The following SEMA6D variants were observed in gnomAD, a reference collection of about 807,000 sequenced individuals.
SEMA6D encodes semaphorin-6D.
In SEMA6D, 35 loss-of-function variants were observed where a neutral mutation model predicts 106.6. The ratio of observed to expected loss-of-function variants is 0.33; its 90% CI spans 0.25 to 0.44. The LOEUF is 0.44. Ranked by LOEUF, SEMA6D falls within the 20% of genes least tolerant of loss-of-function variation. The pLI is 1.00. For synonymous variants in SEMA6D, 499 were observed against 487.7 expected (o/e 1.02, Z -0.31); for missense variants, 1,185 against 1,345.9 (o/e 0.88, Z 1.87).
chr15:47,452,551 C>A (rs1259153216), intron 2 of SEMA6D, among the ~76,000 whole-genome samples: 1 of 151,652 alleles, frequency 6.6e-6, no homozygotes, highest in African/African-American at 2.4e-5. Context: ...ATAATAAAAC[C>A]TTTCTTTTAT....
chr15:47,704,005 A>C (rs1352260331), intron 4 of SEMA6D, among the ~76,000 whole-genome samples: 2 of 152,214 alleles, frequency 1.3e-5, no homozygotes, highest in Non-Finnish European at 2.9e-5. Flanking sequence ...TGATATTTTG[A>C]TATATAGCTT....
At chr15:47,606,983 C>G (rs891136624) in intron 4 of SEMA6D, among the ~76,000 whole-genome samples, 1 of 152,096 alleles carries the variant, frequency 6.6e-6, no homozygotes, top group Non-Finnish European at 1.5e-5. Flanking sequence ...CCTCCAATTT[C>G]CCATCCTTAA....
intron 3 of SEMA6D, among the ~76,000 whole-genome samples, chr15:47,554,705 C>T (rs1407599775): frequency 2.0e-5 from 3 of 152,130 alleles, no homozygotes; most frequent in African/African-American, 7.2e-5. Flanking sequence ...GCACACAGAC[C>T]CTTTAGTTCT....
At position 47,737,386 on chromosome 15, in the gene SEMA6D, G is replaced by A. The variant is rs149687561; in HGVS notation, c.-55+19694G>A. ...AGGTAACTTAATGTTTTTTAGTGAA[G>A]CATCTTCCCATCCTCCCTTTTTTAA... On this transcript the variant is annotated intron_variant, in intron 1 of 18. Transcript: ENST00000536845. 5.9e-3 allele frequency among the ~76,000 whole-genome samples: 900 copies of A among 152,198 alleles called. 6 individuals are homozygous for A. The highest frequency in any genetic ancestry group is 0.02 in the Admixed American group (313 of 15,296).
chr15:47,410,461 C>T (rs1241600176), intron 1 of SEMA6D, among the ~76,000 whole-genome samples: 1 of 152,178 alleles, frequency 6.6e-6, no homozygotes, highest in Non-Finnish European at 1.5e-5. Flanking sequence ...GCCAGTTCCC[C>T]TTTTAAATGT....
intron 1 of SEMA6D, among the ~76,000 whole-genome samples, chr15:47,331,824 G>GAAAA (rs1480097808): frequency 2.0e-5 from 3 of 152,158 alleles, no homozygotes; most frequent in African/African-American, 7.2e-5. Flanking sequence ...TATGAGAAGA[G>GAAAA]ACAGCATAGA....
intron 1 of SEMA6D, among the ~76,000 whole-genome samples, chr15:47,756,451 C>A (rs539210649): frequency 2.0e-5 from 3 of 152,140 alleles, no homozygotes; most frequent in South Asian, 2.1e-4. Flanking sequence ...ATGCCTCATA[C>A]TGATTATCTC....
At chr15:47,738,539 A>C (rs1461801765) in intron 1 of SEMA6D, among the ~76,000 whole-genome samples, 3 of 152,156 alleles carry the variant, frequency 2.0e-5, no homozygotes, top group Non-Finnish European at 4.4e-5. Context: ...TCTGAAGACT[A>C]TTACTAGGGA....
intron 2 of SEMA6D, among the ~76,000 whole-genome samples, chr15:47,426,348 T>C (rs1754500271): frequency 6.6e-6 from 1 of 152,090 alleles, no homozygotes; most frequent in South Asian, 2.1e-4. Flanking sequence ...TTTGATATTG[T>C]TGTCTAATGG....
chr15:47,770,761 A>T lies in SEMA6D; in HGVS notation c.2198A>T (p.Asp733Val). 3.7e-6 allele frequency: 6 copies of T among 1,614,068 alleles called. No individual in the cohort carries two copies. In the South Asian group the frequency reaches 6.6e-5, roughly 18 times the overall value. The change falls in exon 19 of 19, where the codon GAT (aspartate) becomes GTT (valine). Residue 733 changes from aspartate (D) to valine (V), a missense_variant. Physicochemically the swap from Asp to Val is radical, Grantham distance 152 (BLOSUM62 -3). Coordinates refer to ENST00000536845, the MANE Select transcript of SEMA6D (RefSeq NM_001358351.3). ...GTCAAGGAATACCAACAGAATATTG[A>T]TTCTCCTAAACTGTATAGTAACCTG... ...SPVKEYQQNI[D>V]SPKLYSNLLT...
At chr15:47,761,477 CCTTCA>C in intron 6 of SEMA6D, 46 bp downstream of exon 6, 1 of 1,468,640 alleles carries the variant, frequency 6.8e-7, no homozygotes, top group Non-Finnish European at 9.4e-7. Flanking sequence ...AACTTTTCTC[CCTTCA>C]CTGATATGCT....
At chr15:47,437,757 T>C (rs1171423187) in intron 2 of SEMA6D, among the ~76,000 whole-genome samples, 1 of 152,150 alleles carries the variant, frequency 6.6e-6, no homozygotes, top group African/African-American at 2.4e-5. Context: ...TAATTTGCTA[T>C]AATTACAAAT....
At chr15:47,566,014 T>G (rs2046220517) in intron 3 of SEMA6D, among the ~76,000 whole-genome samples, 1 of 152,228 alleles carries the variant, frequency 6.6e-6, no homozygotes, top group South Asian at 2.1e-4. Context: ...AAAGAAGCAC[T>G]TATTATACAG....
intron 1 of SEMA6D, among the ~76,000 whole-genome samples, chr15:47,335,717 A>G (rs2037526024): frequency 6.6e-6 from 1 of 152,136 alleles, no homozygotes; most frequent in Non-Finnish European, 1.5e-5. Flanking sequence ...CACTGATACT[A>G]AGGACAGTAA....
chr15:47,332,195 C>T (rs1000227756), intron 1 of SEMA6D, among the ~76,000 whole-genome samples: 1 of 152,166 alleles, frequency 6.6e-6, no homozygotes, highest in African/African-American at 2.4e-5. Flanking sequence ...CTACAGCATG[C>T]GGCAGTGCCA....
intron 1 of SEMA6D, among the ~76,000 whole-genome samples, chr15:47,243,502 C>T (rs879741728): frequency 1.1e-4 from 17 of 151,220 alleles, no homozygotes; most frequent in Admixed American, 7.9e-4. Context: ...TGAATAGTTA[C>T]GTGGTAGGAA....
chr15:47,238,829 C>A (rs541008991), intron 1 of SEMA6D, among the ~76,000 whole-genome samples: 1 of 152,280 alleles, frequency 6.6e-6, no homozygotes, highest in African/African-American at 2.4e-5. Context: ...ACTTCCATTT[C>A]AAGCAACAGG....
intron 1 of SEMA6D, among the ~76,000 whole-genome samples, chr15:47,348,578 G>T (rs2038138699): frequency 6.6e-6 from 1 of 151,464 alleles, no homozygotes; most frequent in East Asian, 2.0e-4. Context: ...TGTGAGCCAG[G>T]CAACAGGAAT....
At chr15:47,535,734 A>G (rs886311214) in intron 3 of SEMA6D, among the ~76,000 whole-genome samples, 2 of 152,034 alleles carry the variant, frequency 1.3e-5, no homozygotes, top group Non-Finnish European at 2.9e-5. Context: ...AAAAGTTAGT[A>G]TTTCATTTCC....
Sources: allele counts gnomAD v4.1 joint callset (sites outside exome capture counted in the v4.1 genomes callset), GRCh38; gene constraint gnomAD v4.1.1; transcripts MANE v1.5; gene names NCBI Gene and HGNC (gene_info 2026-07-23, HGNC 2026-07-21).